The following SYT16 variants were observed in gnomAD, a reference collection of about 807,000 sequenced individuals.
The protein encoded by SYT16 is synaptotagmin 16.
SYT16 carries 42 observed loss-of-function variants against 61.4 expected under a neutral mutation model. The ratio of observed to expected loss-of-function variants is 0.68; its 90% CI spans 0.53 to 0.89. SYT16 has a LOEUF of 0.89. SYT16 is among the 40% of genes least tolerant of loss of function. The pLI, the probability that SYT16 is intolerant of heterozygous loss-of-function variation, is 0.00. For missense variants in SYT16, 804 were observed against 807.3 expected (o/e 1.00, Z 0.05); for synonymous variants, 314 against 302.3 (o/e 1.04, Z -0.40).
At chr14:62,088,631 G>C (rs1213282207) in intron 7 of SYT16, among the ~76,000 whole-genome samples, 1 of 152,110 alleles carries the variant, frequency 6.6e-6, no homozygotes, top group Non-Finnish European at 1.5e-5. Context: ...CCTTAAAAAA[G>C]TACTGTAAAA....
chr14:61,820,818 C>T (rs2045597595), intron 1 of SYT16, among the ~76,000 whole-genome samples: 1 of 152,106 alleles, frequency 6.6e-6, no homozygotes, highest in Non-Finnish European at 1.5e-5. Context: ...AAATTTCTGG[C>T]TGTTCCATTA....
intron 1 of SYT16, among the ~76,000 whole-genome samples, chr14:61,906,859 G>T (rs1485570136): frequency 1.3e-5 from 2 of 151,242 alleles, no homozygotes; most frequent in African/African-American, 2.4e-5. Context: ...CCTATGATGT[G>T]CCAGGAGCTC....
At chr14:62,037,961 A>G (rs1180519121) in intron 3 of SYT16, among the ~76,000 whole-genome samples, 1 of 152,192 alleles carries the variant, frequency 6.6e-6, no homozygotes, top group South Asian at 2.1e-4. Flanking sequence ...CACCATGTAC[A>G]TCTGCATCAG....
intron 2 of SYT16, among the ~76,000 whole-genome samples, chr14:61,990,271 T>C (rs2052492871): frequency 6.6e-6 from 1 of 152,322 alleles, no homozygotes; most frequent in East Asian, 1.9e-4. Flanking sequence ...AATAATTAGC[T>C]TTATGACTAC....
Position 61,820,102 on chromosome 14 carries a change from G to A in SYT16, c.-325+7292G>A, listed in dbSNP as rs1238621228. On this transcript the variant is annotated intron_variant, in intron 1 of 7. Transcript: ENST00000683842. ...AAGAACAAATGATCTGTGTACAAAT[G>A]TAAGACTAGGGAAGAGAATCTAGGA... Among the ~76,000 whole-genome samples the A allele has an allele frequency of 2.6e-5, 4 of 152,208 alleles. No individual in the cohort carries two copies. In the East Asian group the frequency reaches 7.7e-4, roughly 29 times the overall value.
At chr14:61,875,984 C>T (rs546784509) in intron 1 of SYT16, among the ~76,000 whole-genome samples, 20 of 152,272 alleles carry the variant, frequency 1.3e-4, no homozygotes, top group African/African-American at 4.8e-4. Flanking sequence ...TTCCCAAACC[C>T]AGTTCTAACC....
At chr14:61,839,715 GC>G (rs2046244221) in intron 1 of SYT16, among the ~76,000 whole-genome samples, 1 of 152,130 alleles carries the variant, frequency 6.6e-6, no homozygotes, top group Non-Finnish European at 1.5e-5. Flanking sequence ...CATTTGAAAA[GC>G]CAACAAAATC....
chr14:62,101,173 GAATC>G lies in SYT16; in HGVS notation c.*469_*472del, dbSNP rs1247158293. 1 of 153,244 alleles carries G rather than the reference GAATC, an allele frequency of 6.5e-6. No homozygotes were observed. The highest frequency in any genetic ancestry group is 1.5e-5 in the Non-Finnish European group (1 of 68,566). 9.5% of individuals were successfully genotyped at this position (153,244 alleles called of 1,614,324 possible). On this transcript the variant is annotated 3_prime_UTR_variant, in exon 8 of 8. Transcript: ENST00000683842. ...GAATCAGATGCTGAGCCTCATAAAAGAATCAAACTCTAATCCATAAACTCTTATT... is the reference window on the plus strand; with the variant it reads ...GAATCAGATGCTGAGCCTCATAAAAGAAACTCTAATCCATAAACTCTTATT...
intron 1 of SYT16, among the ~76,000 whole-genome samples, chr14:61,921,606 G>C (rs1366121093): frequency 6.6e-6 from 1 of 152,212 alleles, no homozygotes; most frequent in African/African-American, 2.4e-5. Flanking sequence ...ACCTGGGGTT[G>C]TGAGCTTCTG....
At chr14:61,837,263 G>T (rs1469368879) in intron 1 of SYT16, among the ~76,000 whole-genome samples, 1 of 148,058 alleles carries the variant, frequency 6.8e-6, no homozygotes, top group Admixed American at 6.7e-5. Flanking sequence ...TTGAGACAGG[G>T]TCTTGCTCTG....
At chr14:62,078,155 C>CTCTATATATATATATATATA (rs766089633) in intron 5 of SYT16, among the ~76,000 whole-genome samples, 8 of 135,936 alleles carry the variant, frequency 5.9e-5, no homozygotes, top group African/African-American at 2.3e-4. Context: ...CTCTCTCTCT[C>CTCTATATATATATATATATA]TATATATATA....
chr14:61,895,984 G>C (rs1279789434), intron 1 of SYT16, among the ~76,000 whole-genome samples: 2 of 152,104 alleles, frequency 1.3e-5, no homozygotes, highest in African/African-American at 4.8e-5. Flanking sequence ...ATTGCCCTCT[G>C]TTTGCGCTGG....
chr14:62,007,435 T>C (rs2053266567), intron 3 of SYT16, among the ~76,000 whole-genome samples: 1 of 152,210 alleles, frequency 6.6e-6, no homozygotes, highest in Non-Finnish European at 1.5e-5. Context: ...GAATCTGTTT[T>C]CTAAAAGCTT....
intron 1 of SYT16, among the ~76,000 whole-genome samples, chr14:61,962,154 C>T (rs947954659): frequency 1.3e-5 from 2 of 151,984 alleles, no homozygotes; most frequent in Non-Finnish European, 2.9e-5. Context: ...TTTGAAAAAC[C>T]ACCTATTGGA....
chr14:61,985,467 A>G lies in SYT16; in HGVS notation c.-144-10409A>G, dbSNP rs117703441. ...TCTGCCTATCAATAAAACTTTCATC[A>G]GATGAAAGATTTATATTTTCCTCAT... On this transcript the variant is annotated intron_variant, in intron 2 of 7. Transcript: ENST00000683842. 3.5e-4 allele frequency among the ~76,000 whole-genome samples: 54 copies of G among 152,296 alleles called. No individual in the cohort carries two copies. In the East Asian group the frequency reaches 9.3e-3, roughly 26 times the overall value.
In SYT16 at chr14:61,829,034, C is replaced by T. The variant is rs181485997; in HGVS notation, c.-325+16224C>T. ...AATGAAACAATAAGCCATTATAAAC[C>T]CAATGCTATTTTGCATTGGAGAATA... On this transcript the variant is annotated intron_variant, in intron 1 of 7. Transcript: ENST00000683842. Among the ~76,000 whole-genome samples the T allele has an allele frequency of 4.6e-5, 7 of 152,172 alleles. No homozygotes were observed. The East Asian group carries it at 1.4e-3, about 29-fold the overall frequency.
At chr14:61,873,463 C>G (rs2047393388) in intron 1 of SYT16, among the ~76,000 whole-genome samples, 1 of 152,256 alleles carries the variant, frequency 6.6e-6, no homozygotes, top group Non-Finnish European at 1.5e-5. Context: ...CTGGCTGCCA[C>G]TGGCCCCTTC....
At chr14:61,982,950 T>C (rs191668421) in intron 2 of SYT16, among the ~76,000 whole-genome samples, 11 of 152,230 alleles carry the variant, frequency 7.2e-5, no homozygotes, top group Admixed American at 6.5e-4. Context: ...CAGAGGACTA[T>C]TGGGGTTTTG....
chr14:61,924,997 C>T (rs1004212721), intron 1 of SYT16, among the ~76,000 whole-genome samples: 9 of 152,216 alleles, frequency 5.9e-5, no homozygotes, highest in South Asian at 4.1e-4. Flanking sequence ...GCCTATAAAA[C>T]GTACACTTGC....
Sources: gnomAD v4.1 joint callset for allele counts (sites outside exome capture counted in the v4.1 genomes callset) on GRCh38, gnomAD v4.1.1 for gene constraint, MANE v1.5 for transcripts, NCBI Gene and HGNC (gene_info 2026-07-23, HGNC 2026-07-21) for gene names.